FGF14: variants seen among roughly 807,000 people sequenced by gnomAD.
FGF14 encodes fibroblast growth factor homologous factor 4.
In FGF14, 5 loss-of-function variants were observed where a neutral mutation model predicts 25.5. The observed-to-expected ratio is 0.20, with a 90% CI of 0.10 to 0.41. The LOEUF is 0.41. Ranked by LOEUF, FGF14 falls within the 10% of genes least tolerant of loss-of-function variation. FGF14 has a pLI of 1.00. For synonymous variants in FGF14, 138 were observed against 118.3 expected (o/e 1.17, Z -1.08); for missense variants, 222 against 320.1 (o/e 0.69, Z 2.34).
chr13:102,394,067 A>G (rs761668599), intron 1 of FGF14, among the ~76,000 whole-genome samples: 13 of 152,352 alleles, frequency 8.5e-5, no homozygotes, highest in Middle Eastern at 6.8e-3. Flanking sequence ...GTAGTAGCCG[A>G]GGGGACTGAA....
intron 2 of FGF14, among the ~76,000 whole-genome samples, chr13:101,869,335 C>T (rs1026808172): frequency 5.3e-5 from 8 of 152,166 alleles, no homozygotes; most frequent in African/African-American, 1.9e-4. Context: ...AAAAGATGTG[C>T]ACCTGCCAAG....
At chr13:102,027,580 C>T (rs1054553144) in intron 1 of FGF14, among the ~76,000 whole-genome samples, 26 of 152,164 alleles carry the variant, frequency 1.7e-4, no homozygotes, top group African/African-American at 6.3e-4. Context: ...TCAAAAATGG[C>T]TAGTAAGTTT....
chr13:102,124,181 T>C (rs2045853341), intron 1 of FGF14, among the ~76,000 whole-genome samples: 1 of 152,124 alleles, frequency 6.6e-6, no homozygotes, highest in African/African-American at 2.4e-5. Flanking sequence ...TATTAATTAA[T>C]AGTCACTAAA....
At chr13:101,997,766 A>G (rs2039265836) in intron 1 of FGF14, among the ~76,000 whole-genome samples, 1 of 152,196 alleles carries the variant, frequency 6.6e-6, no homozygotes, top group South Asian at 2.1e-4. Context: ...TTTGGTGGCA[A>G]AATAGTAGGC....
chr13:102,354,729 C>T (rs181494507), intron 1 of FGF14, among the ~76,000 whole-genome samples: 1 of 152,216 alleles, frequency 6.6e-6, no homozygotes, highest in Admixed American at 6.5e-5. Flanking sequence ...TGATTGAGTC[C>T]TATCTCAGAT....
rs371168528 is a variant in FGF14, at chr13:101,880,882, A to G, written c.194-5586T>C. ...GCTATATATCTATAAATGGTTTTTG[A>G]GGCAAAATGAATTTTTTATATTGTA... On this transcript the variant is annotated intron_variant, in intron 1 of 4. Transcript: ENST00000376143. Among the ~76,000 whole-genome samples, 12 of 152,186 alleles carry G rather than the reference A, an allele frequency of 7.9e-5. No individual in the cohort carries two copies. The East Asian group carries it at 1.3e-3, about 17-fold the overall frequency.
At chr13:102,051,113 C>T (rs985955376) in intron 1 of FGF14, among the ~76,000 whole-genome samples, 1 of 152,172 alleles carries the variant, frequency 6.6e-6, no homozygotes. Context: ...CTGCGTTAAG[C>T]CCACTCATGT....
Position 101,864,947 on chromosome 13 carries a change from G to T in FGF14, c.408+3778C>A, listed in dbSNP as rs1360554101. Among the ~76,000 whole-genome samples, 3 of 152,228 alleles carry T rather than the reference G, an allele frequency of 2.0e-5. 1 individual carries two copies. Among genetic ancestry groups the T allele is most frequent in the East Asian group, 3.9e-4 (2 of 5,156 alleles). On this transcript the variant is annotated intron_variant, in intron 3 of 4. Coordinates refer to ENST00000376143, the MANE Select transcript of FGF14 (RefSeq NM_004115.4). ...ACTTGAAGGATTCAAGAGAAATCATGTAATCTGACAGATGAGGGGGCAGAC... is the reference window on the plus strand; with the variant it reads ...ACTTGAAGGATTCAAGAGAAATCATTTAATCTGACAGATGAGGGGGCAGAC...
In FGF14 at chr13:102,174,984, T is replaced by C. The variant is rs188149222; in HGVS notation, c.208+226487A>G. 6.8e-4 allele frequency among the ~76,000 whole-genome samples: 103 copies of C among 152,086 alleles called. 1 individual carries two copies. The highest frequency in any genetic ancestry group is 3.5e-3 in the Admixed American group (54 of 15,270). On this transcript the variant is annotated intron_variant, in intron 1 of 4. Transcript: ENST00000376131. The stretch of plus-strand genomic sequence containing the variant: ...GAATAAGTGGAGAAACATTCCAAGC[T>C]CATAGACAGGAAGAATCAATATTGT...
chr13:102,096,432 A>G (rs114404023), intron 1 of FGF14, among the ~76,000 whole-genome samples: 1 of 150,924 alleles, frequency 6.6e-6, no homozygotes, highest in South Asian at 2.1e-4. Context: ...TCTTTAATTA[A>G]AAAAAAAACA....
chr13:102,222,728 A>ATC (rs1382333105), intron 1 of FGF14, among the ~76,000 whole-genome samples: 2 of 152,200 alleles, frequency 1.3e-5, no homozygotes, highest in Non-Finnish European at 2.9e-5. Context: ...CAGGGTAAGC[A>ATC]TCCCATTCTC....
chr13:101,835,273 AAGAG>A (rs1449430426), intron 3 of FGF14, among the ~76,000 whole-genome samples: 1 of 151,904 alleles, frequency 6.6e-6, no homozygotes, highest in Non-Finnish European at 1.5e-5. Flanking sequence ...GAGAGAGGGA[AAGAG>A]AGAGATTGAT....
chr13:101,888,719 C>T (rs1324477692), intron 1 of FGF14, among the ~76,000 whole-genome samples: 1 of 152,186 alleles, frequency 6.6e-6, no homozygotes, highest in Non-Finnish European at 1.5e-5. Context: ...CTGATCAACT[C>T]AAAGGCAGAC....
At chr13:102,256,029 G>A (rs536589347) in intron 1 of FGF14, among the ~76,000 whole-genome samples, 142 of 152,240 alleles carry the variant, frequency 9.3e-4, no homozygotes, top group South Asian at 5.0e-3. Flanking sequence ...TCATTGATTG[G>A]AAAAGTACCC....
At chr13:102,151,202 G>A (rs1279881310) in intron 1 of FGF14, among the ~76,000 whole-genome samples, 1 of 152,114 alleles carries the variant, frequency 6.6e-6, no homozygotes, top group Non-Finnish European at 1.5e-5. Flanking sequence ...CTTATTTTAA[G>A]TTCTTTTATT....
rs114389449 is a variant in FGF14, at chr13:102,127,927, T to C, written c.209-252631A>G. ...AAATGACAGCACAAGTGAGCAGGGC[T>C]CACCTACACTTGCTCTGCTCCCACT... On this transcript the variant is annotated intron_variant, in intron 1 of 4. Transcript: ENST00000376131. 1.9e-3 allele frequency among the ~76,000 whole-genome samples: 282 copies of C among 152,196 alleles called. 1 individual carries two copies. Among genetic ancestry groups the C allele is most frequent in the African/African-American group, 6.5e-3 (268 of 41,518 alleles).
chr13:102,197,614 C>T (rs989224428), intron 1 of FGF14, among the ~76,000 whole-genome samples: 1 of 151,450 alleles, frequency 6.6e-6, no homozygotes, highest in African/African-American at 2.4e-5. Context: ...TATATTTATA[C>T]ATAATAAAGC....
At chr13:101,883,086 CA>C (rs2045802802) in intron 1 of FGF14, among the ~76,000 whole-genome samples, 1 of 152,030 alleles carries the variant, frequency 6.6e-6, no homozygotes, top group South Asian at 2.1e-4. Context: ...ATGTTATGTA[CA>C]GAAAGAAAGA....
At chr13:102,033,496 C>T (rs202129569) in intron 1 of FGF14, among the ~76,000 whole-genome samples, 1,415 of 138,976 alleles carry the variant, frequency 0.01, 22 homozygotes, top group African/African-American at 0.046. Flanking sequence ...TGCGTGTGCA[C>T]GCACACACAC....
Sources: gnomAD v4.1 joint callset for allele counts (sites outside exome capture counted in the v4.1 genomes callset) on GRCh38, gnomAD v4.1.1 for gene constraint, MANE v1.5 for transcripts, NCBI Gene and HGNC (gene_info 2026-07-23, HGNC 2026-07-21) for gene names.